Variants in OPA1 observed in about 807,000 individuals in gnomAD.
OPA1 encodes the protein dynamin-like GTPase OPA1, mitochondrial.
OPA1 carries 59 observed loss-of-function variants against 152.9 expected under a neutral mutation model. The observed-to-expected ratio is 0.39, with a 90% CI of 0.31 to 0.48. OPA1 has a LOEUF of 0.48. OPA1 is among the 20% of genes least tolerant of loss of function. OPA1 has a pLI of 0.96. For synonymous variants in OPA1, 400 were observed against 389.9 expected (o/e 1.03, Z -0.31); for missense variants, 1,008 against 1,216.8 (o/e 0.83, Z 2.55).
At chr3:193,638,803 CAG>C (rs1733322936) in intron 11 of OPA1, among the ~76,000 whole-genome samples, 1 of 152,158 alleles carries the variant, frequency 6.6e-6, no homozygotes, top group Non-Finnish European at 1.5e-5. Context: ...CTACTAAAAA[CAG>C]AATGCTTGAA....
rs78505145 is a variant in OPA1, at chr3:193,611,245, A to G, written c.33-3478A>G. 9.2e-5 allele frequency among the ~76,000 whole-genome samples: 14 copies of G among 152,312 alleles called. No homozygotes were observed. The East Asian group carries it at 1.9e-3, about 21-fold the overall frequency. ...GTTCCTGGTCCCTGTAACTGTTGCA[A>G]TTGAAGGGGCATAAGCTTATTAGCC... On this transcript the variant is annotated intron_variant, in intron 1 of 30. Transcript: ENST00000361510.
chr3:193,652,405 A>C (rs1446920991), intron 21 of OPA1, among the ~76,000 whole-genome samples: 1 of 152,060 alleles, frequency 6.6e-6, no homozygotes, highest in Non-Finnish European at 1.5e-5. Context: ...AAAAAAAAAA[A>C]ACCATAGAAT....
At chr3:193,652,912 G>A (rs1240392761) in intron 21 of OPA1, among the ~76,000 whole-genome samples, 5 of 152,122 alleles carry the variant, frequency 3.3e-5, no homozygotes, top group Non-Finnish European at 4.4e-5. Context: ...TGGTAATCAG[G>A]ATTTTAAAAA....
Position 193,638,027 on chromosome 3 carries a change from A to G in OPA1, c.1111A>G (p.Arg371Gly). 1.9e-6 allele frequency: 3 copies of G among 1,614,102 alleles called. No homozygotes were observed. Among genetic ancestry groups the G allele is most frequent in the Non-Finnish European group, 2.5e-6 (3 of 1,179,952 alleles). Residue 371 changes from arginine to glycine, a missense_variant, in exon 11 of 31, where the codon AGA becomes GGA. By Grantham distance (125) the Arg-to-Gly change is moderately radical. This residue lies in a region of OPA1 where 213 missense variants were observed against 291.4 expected (regional missense o/e 0.73). Transcript: ENST00000361510. ...GATTGCCCAAGCTCGAATATTCCCA[A>G]GAGGATCTGGGGAGATGATGACACG... ...EMIAQARIFP[R>G]GSGEMMTRSP...
intron 29 of OPA1, among the ~76,000 whole-genome samples, chr3:193,676,701 C>T (rs1719042242): frequency 6.6e-6 from 1 of 152,160 alleles, no homozygotes; most frequent in Non-Finnish European, 1.5e-5. Context: ...ACCGTTGTGG[C>T]CGGGTGTGGT....
At chr3:193,677,798 C>T (rs1209099721) in intron 29 of OPA1, among the ~76,000 whole-genome samples, 1 of 152,176 alleles carries the variant, frequency 6.6e-6, no homozygotes, top group Non-Finnish European at 1.5e-5. Context: ...AATGACGAAG[C>T]TAATACACGA....
intron 21 of OPA1, among the ~76,000 whole-genome samples, chr3:193,653,238 C>A (rs1712962944): frequency 6.6e-6 from 1 of 152,174 alleles, no homozygotes; most frequent in South Asian, 2.1e-4. Context: ...CTGGTTGTAA[C>A]TGGAAAGTGA....
chr3:193,668,542 C>T, intron 29 of OPA1: 3 of 1,548,454 alleles, frequency 1.9e-6, no homozygotes, highest in Non-Finnish European at 1.7e-6. Context: ...CAGACAGATT[C>T]CTTCCTCACC....
intron 6 of OPA1, among the ~76,000 whole-genome samples, chr3:193,620,620 A>G (rs1036446861): frequency 8.9e-6 from 1 of 111,968 alleles, no homozygotes; most frequent in African/African-American, 3.7e-5. Flanking sequence ...AAGACTTACC[A>G]ATTTTTTTTT....
At chr3:193,693,864 G>A (rs1047294392) in intron 30 of OPA1, among the ~76,000 whole-genome samples, 13 of 152,086 alleles carry the variant, frequency 8.5e-5, no homozygotes, top group African/African-American at 2.4e-4. Context: ...CATCTGTAGC[G>A]CCTCCTTGAT....
At chr3:193,608,188 G>A (rs1455175302) in intron 1 of OPA1, among the ~76,000 whole-genome samples, 1 of 152,062 alleles carries the variant, frequency 6.6e-6, no homozygotes, top group Non-Finnish European at 1.5e-5. Context: ...AGGGTTTTTT[G>A]TGTCTCTATC....
intron 29 of OPA1, 97 bp from the exon 30 acceptor site, chr3:193,691,966 C>T (rs1721745533): frequency 1.4e-6 from 1 of 730,478 alleles, no homozygotes; most frequent in Non-Finnish European, 2.3e-6. Flanking sequence ...CTTTTTCCCG[C>T]AAATAGTTAA....
chr3:193,658,816 C>CA, intron 23 of OPA1, 71 bp from the exon 24 acceptor site: 1 of 1,031,414 alleles, frequency 9.7e-7, no homozygotes, highest in Non-Finnish European at 1.5e-6. Flanking sequence ...ACTAAGCTGT[C>CA]AATTTGAATA....
intron 1 of OPA1, among the ~76,000 whole-genome samples, chr3:193,602,902 G>T (rs923088410): frequency 6.6e-6 from 1 of 152,126 alleles, no homozygotes; most frequent in African/African-American, 2.4e-5. Flanking sequence ...TCCTACATGG[G>T]AAGGCCTTTA....
In OPA1 at chr3:193,679,474, A is replaced by G. The variant is rs1393627190; in HGVS notation, c.2983+12194A>G. Among the ~76,000 whole-genome samples the G allele has an allele frequency of 3.9e-5, 6 of 152,162 alleles. No individual in the cohort carries two copies. The East Asian group carries it at 1.2e-3, about 29-fold the overall frequency. On this transcript the variant is annotated intron_variant, in intron 29 of 30. Transcript: ENST00000361510. The stretch of plus-strand genomic sequence containing the variant: ...CTTGTCCATGTGTGTCTGTAAAGTC[A>G]TATGAGGCATTATGCCCATTGTTCA...
At chr3:193,680,183 G>A (rs922903128) in intron 29 of OPA1, among the ~76,000 whole-genome samples, 2 of 149,334 alleles carry the variant, frequency 1.3e-5, no homozygotes, top group African/African-American at 5.0e-5. Context: ...TTAGTTTGGT[G>A]TATAAATCAG....
chr3:193,688,087 T>C (rs1721152323), intron 29 of OPA1, among the ~76,000 whole-genome samples: 1 of 152,166 alleles, frequency 6.6e-6, no homozygotes, highest in African/African-American at 2.4e-5. Flanking sequence ...CCTGTCTTCC[T>C]CCCTCTTGAT....
chr3:193,627,402 T>G (rs1297182331), intron 7 of OPA1: 1 of 152,212 alleles, frequency 6.6e-6, no homozygotes, highest in Non-Finnish European at 1.5e-5. Context: ...CAAGGAGGAC[T>G]TCTTTTGAAT....
intron 29 of OPA1, chr3:193,668,476 T>C: frequency 6.4e-7 from 1 of 1,550,576 alleles, no homozygotes; most frequent in Non-Finnish European, 8.7e-7. Context: ...CTCTGACGCT[T>C]TGTGCCAGGT....
Sources: gnomAD v4.1 joint callset for allele counts (sites outside exome capture counted in the v4.1 genomes callset) on GRCh38, gnomAD v4.1.1 for gene constraint, gnomAD v4.1.1 regional missense constraint, MANE v1.5 for transcripts, NCBI Gene and HGNC (gene_info 2026-07-23, HGNC 2026-07-21) for gene names.